The following PLCZ1 variants were observed in gnomAD, a reference collection of about 807,000 sequenced individuals.
The protein encoded by PLCZ1 is phospholipase C zeta 1, also known as 1-phosphatidylinositol 4,5-bisphosphate phosphodiesterase zeta-1.
PLCZ1 carries 64 observed loss-of-function variants against 76.8 expected under a neutral mutation model. That is an observed-to-expected ratio of 0.83 (90% confidence interval 0.68 to 1.03). The LOEUF (loss-of-function observed/expected upper bound fraction) is 1.03, where lower values mean the gene tolerates loss of function less well. Among genes scored for constraint, PLCZ1 ranks in the 50% least tolerant of loss-of-function variants. PLCZ1 has a pLI of 0.00. For synonymous variants in PLCZ1, 248 were observed against 230.8 expected, an observed-to-expected ratio of 1.07 and a Z score of -0.68; for missense variants, 751 against 713.7, an observed-to-expected ratio of 1.05 and a Z score of -0.60.
chr12:18,653,327 T>C, the PLCZ1 span, among the ~76,000 whole-genome samples: 2 of 152,166 alleles, frequency 1.3e-5, no homozygotes. Flanking sequence ...AAAGTAATTT[T>C]TCAGCAACTT....
At chr12:18,673,742 A>T in the PLCZ1 span, among the ~76,000 whole-genome samples, 1 of 152,168 alleles carries the variant, frequency 6.6e-6, no homozygotes, top group Non-Finnish European at 1.5e-5. Flanking sequence ...ACTTCTCATC[A>T]GGGGAAGGAT....
intron 5 of PLCZ1, among the ~76,000 whole-genome samples, chr12:18,718,193 A>G (rs2137503719): frequency 6.6e-6 from 1 of 152,248 alleles, no homozygotes; most frequent in Admixed American, 6.5e-5. Flanking sequence ...AAGTATTGGG[A>G]TGTAACCACA....
rs766470697 is a variant in PLCZ1, at chr12:18,684,220, A to G, written c.1651T>C (p.Leu551=). 6.2e-6 allele frequency: 10 copies of G among 1,611,754 alleles called. No individual in the cohort carries two copies. The highest frequency in any genetic ancestry group is 1.7e-4 in the Middle Eastern group (1 of 6,036). ...TFIIHVPELA[L]IRFVVEGQGL... ...TGACCTTCAACAACAAAACGTATCA[A>G]TGCCAATTCTGGGACATGAATAATA... is the stretch of plus-strand genomic sequence containing the variant. Residue 551 remains leucine (L), a synonymous_variant, in exon 14 of 15, where the codon TTG becomes CTG. Coordinates refer to ENST00000266505, the MANE Select transcript of PLCZ1 (RefSeq NM_033123.4).
At chr12:18,671,471 A>G in the PLCZ1 span, among the ~76,000 whole-genome samples, 192 of 152,230 alleles carry the variant, frequency 1.3e-3, no homozygotes, top group Non-Finnish European at 2.2e-3. Context: ...CTGAACCTAA[A>G]GAAGATCACA....
chr12:18,688,595 G>T (rs111640701), intron 12 of PLCZ1, among the ~76,000 whole-genome samples: 12,867 of 151,324 alleles, frequency 0.085, 633 homozygotes, highest in African/African-American at 0.13. Flanking sequence ...TAAAGCAATA[G>T]AAATATTACT....
Position 18,723,295 on chromosome 12 carries a change from T to G in PLCZ1, c.367+16A>C. ...ACATATAAATATTCCGATAAAAGTT[T>G]GAAATGCAAACATACCTTCTTCGAT... On this transcript the variant is annotated intron_variant, in intron 4 of 14. Transcript: ENST00000266505. 1.3e-6 allele frequency: 2 copies of G among 1,592,914 alleles called. No homozygotes were observed.
At chr12:18,713,500 G>T (rs779913842) in intron 5 of PLCZ1, among the ~76,000 whole-genome samples, 19 of 152,150 alleles carry the variant, frequency 1.2e-4, no homozygotes, top group Non-Finnish European at 2.5e-4. Flanking sequence ...AAAAGATAAA[G>T]CATGACAATA....
intron 12 of PLCZ1, among the ~76,000 whole-genome samples, chr12:18,692,507 C>T (rs1305124432): frequency 6.6e-6 from 1 of 151,986 alleles, no homozygotes; most frequent in East Asian, 1.9e-4. Flanking sequence ...TTTTATGCTC[C>T]ATAAGGTTTT....
intron 6 of PLCZ1, among the ~76,000 whole-genome samples, chr12:18,706,669 A>G (rs920298858): frequency 6.6e-6 from 1 of 152,178 alleles, no homozygotes; most frequent in Non-Finnish European, 1.5e-5. Context: ...TTTCATATAT[A>G]CTTATCAGGG....
chr12:18,713,292 T>C (rs1565714888), intron 5 of PLCZ1, among the ~76,000 whole-genome samples: 1 of 152,170 alleles, frequency 6.6e-6, no homozygotes, highest in African/African-American at 2.4e-5. Context: ...TCCATAGTTG[T>C]AGCTCTGAAA....
rs1040739030 is a variant in PLCZ1 at position 18,689,863 on chromosome 12, C to T, written c.1462-1645G>A. ...AAACTTGGCTCTCTGATTCCCAAAT[C>T]GTGCCTTCTACTATCTGAGCAAGTC... is the stretch of plus-strand genomic sequence containing the variant. On this transcript the variant is annotated intron_variant, in intron 12 of 14. Coordinates refer to ENST00000266505, the MANE Select transcript of PLCZ1 (RefSeq NM_033123.4). Among the ~76,000 whole-genome samples the T allele has an allele frequency of 4.6e-5, 7 of 151,996 alleles. No individual in the cohort carries two copies. In the East Asian group the frequency reaches 1.2e-3, roughly 25 times the overall value.
At chr12:18,720,845 C>A (rs879601638) in intron 4 of PLCZ1, among the ~76,000 whole-genome samples, 7 of 151,718 alleles carry the variant, frequency 4.6e-5, no homozygotes, top group Non-Finnish European at 1.0e-4. Context: ...AAATATGATA[C>A]AATACTAAGC....
At position 18,712,848 on chromosome 12, in the gene PLCZ1, T is replaced by A; in HGVS notation, c.708A>T (p.Ala236=). The A allele has an allele frequency of 1.2e-6, 2 of 1,613,782 alleles. No homozygotes were observed. Among genetic ancestry groups the A allele is most frequent in the Non-Finnish European group, 1.7e-6 (2 of 1,179,700 alleles). The change falls in exon 6 of 15, where the codon GCA becomes GCT. Residue 236 remains alanine (A), a synonymous_variant. Coordinates refer to ENST00000266505, the MANE Select transcript of PLCZ1 (RefSeq NM_033123.4). ...AACAAAGATATGTACATACCATGAA[T>A]GCATACTTGTGTATAGCTTGGATAA... is the stretch of plus-strand genomic sequence containing the variant. ...KTVIQAIHKY[A]FMTSDYPVVL... is the part of the protein sequence containing the mutation.
chr12:18,699,951 C>A lies in PLCZ1; in HGVS notation c.1018-1G>T. The stretch of plus-strand genomic sequence containing the variant: ...CCAGAGCAATTTTTAGCTTCCTGGT[C>A]TAAAAATAAAATGCAGTAATTTTAC... On this transcript the variant is annotated splice_acceptor_variant, in intron 9 of 14. Coordinates refer to ENST00000266505, the MANE Select transcript of PLCZ1 (RefSeq NM_033123.4). LOFTEE classifies it high-confidence loss of function. 1 of 1,606,998 alleles carries A rather than the reference C, an allele frequency of 6.2e-7. No homozygotes were observed. The highest frequency in any genetic ancestry group is 1.1e-5 in the South Asian group (1 of 90,256).
intron 3 of PLCZ1, among the ~76,000 whole-genome samples, chr12:18,735,522 A>G (rs7485517): frequency 0.33 from 50,827 of 151,966 alleles, 8,805 homozygotes; most frequent in African/African-American, 0.41. Context: ...TTACAGGTAC[A>G]AATCACTGCA....
chr12:18,737,343 G>A lies in PLCZ1; in HGVS notation c.11+18C>T, dbSNP rs1414232099. ...GGAGAAAGAAGAAGAGGAGCAGAAA[G>A]AAGCTCTCAATGGATATCTCATTTC... is the stretch of plus-strand genomic sequence containing the variant. On this transcript the variant is annotated intron_variant, in intron 2 of 14. Coordinates refer to ENST00000266505, the MANE Select transcript of PLCZ1 (RefSeq NM_033123.4). 4 of 1,611,148 alleles carry A rather than the reference G, an allele frequency of 2.5e-6. No homozygotes were observed. Among genetic ancestry groups the A allele is most frequent in the Non-Finnish European group, 3.4e-6 (4 of 1,177,308 alleles).
chr12:18,711,873 G>C (rs1452820309), intron 6 of PLCZ1, among the ~76,000 whole-genome samples: 1 of 151,994 alleles, frequency 6.6e-6, no homozygotes, highest in Non-Finnish European at 1.5e-5. Context: ...ATGTTTAGGA[G>C]AATCAGTGCC....
At position 18,693,173 on chromosome 12, in the gene PLCZ1, C is replaced by T. The variant is rs191125964; in HGVS notation, c.1461+1737G>A. 910 of 1,550,518 alleles carry T rather than the reference C, an allele frequency of 5.9e-4. 5 individuals carry two copies. In the African/African-American group the frequency reaches 0.011, roughly 18 times the overall value. ...CTACATCTGTGGGCTCAGAACACTA[C>T]ATCAGCATTCTTTCATTTGCAGACA... is the stretch of plus-strand genomic sequence containing the variant. On this transcript the variant is annotated intron_variant, in intron 12 of 14. Coordinates refer to ENST00000266505, the MANE Select transcript of PLCZ1 (RefSeq NM_033123.4).
chr12:18,694,016 G>A, intron 12 of PLCZ1: 1 of 1,480,106 alleles, frequency 6.8e-7, no homozygotes. Flanking sequence ...TAGAATGAAA[G>A]TAACAAATGA....
Sources: gnomAD v4.1 joint callset for allele counts (sites outside exome capture counted in the v4.1 genomes callset) on GRCh38, gnomAD v4.1.1 for gene constraint, MANE v1.5 for transcripts, NCBI Gene and HGNC (gene_info 2026-07-23, HGNC 2026-07-21) for gene names.